ARHGEF7: variants seen among roughly 807,000 people sequenced by gnomAD.
ARHGEF7 encodes the protein Rho guanine nucleotide exchange factor 7, also known as PAK-interacting exchange factor beta.
ARHGEF7 carries 33 observed loss-of-function variants against 109.8 expected under a neutral mutation model. The observed-to-expected ratio is 0.30, with a 90% CI of 0.23 to 0.40. The LOEUF is 0.40. Among genes scored for constraint, ARHGEF7 ranks in the 10% least tolerant of loss-of-function variants. The probability of loss-of-function intolerance (pLI) is 1.00; values close to 1 mark genes in which losing one functional copy is unlikely to be tolerated. For missense variants in ARHGEF7, 938 were observed against 1,098.5 expected, an observed-to-expected ratio of 0.85 and a Z score of 2.07; for synonymous variants, 458 against 424.6, an observed-to-expected ratio of 1.08 and a Z score of -0.97.
At chr13:111,244,438 A>T in intron 8 of ARHGEF7, 144 bp downstream of exon 8, 1 of 598,672 alleles carries the variant, frequency 1.7e-6, no homozygotes, top group Non-Finnish European at 2.9e-6. Flanking sequence ...CAGCTTTTAC[A>T]GTAAAAGCTG....
intron 2 of ARHGEF7, among the ~76,000 whole-genome samples, chr13:111,198,630 A>G (rs1390638441): frequency 2.6e-5 from 4 of 152,266 alleles, no homozygotes; most frequent in South Asian, 2.1e-4. Flanking sequence ...GACTTCAGGA[A>G]CGAAGCTGCA....
intron 4 of ARHGEF7, among the ~76,000 whole-genome samples, chr13:111,215,554 G>A (rs1285658430): frequency 2.6e-5 from 4 of 152,072 alleles, no homozygotes; most frequent in African/African-American, 7.2e-5. Flanking sequence ...ATGACGAGGC[G>A]AATAATATTT....
intron 6 of ARHGEF7, among the ~76,000 whole-genome samples, chr13:111,236,655 A>T (rs971136792): frequency 1.3e-5 from 2 of 152,074 alleles, no homozygotes; most frequent in Non-Finnish European, 2.9e-5. Context: ...CCAAAGATTC[A>T]CCAAAGATTG....
At chr13:111,251,865 A>G (rs191636621) in intron 8 of ARHGEF7, among the ~76,000 whole-genome samples, 1 of 152,230 alleles carries the variant, frequency 6.6e-6, no homozygotes, top group Non-Finnish European at 1.5e-5. Flanking sequence ...ACACTCATGC[A>G]TGCATGCATT....
At chr13:111,236,151 C>T (rs1028960430) in intron 6 of ARHGEF7, among the ~76,000 whole-genome samples, 12 of 151,858 alleles carry the variant, frequency 7.9e-5, no homozygotes, top group African/African-American at 2.9e-4. Context: ...AACTATTTCT[C>T]TCTCCTCTCC....
chr13:111,169,508 G>A (rs969647638), intron 2 of ARHGEF7, among the ~76,000 whole-genome samples: 2 of 152,028 alleles, frequency 1.3e-5, no homozygotes, highest in African/African-American at 4.8e-5. Context: ...TCATCATCAC[G>A]AGAACAGCAC....
At chr13:111,185,961 C>CGT (rs71127998) in intron 2 of ARHGEF7, among the ~76,000 whole-genome samples, 18,595 of 135,624 alleles carry the variant, frequency 0.14, 1,500 homozygotes, top group East Asian at 0.42. Flanking sequence ...TTTGGGAGCT[C>CGT]GTGTGTGTGT....
rs528340891 is a variant in ARHGEF7 at position 111,166,685 on chromosome 13, T to C, written c.252+12694T>C. On this transcript the variant is annotated intron_variant, in intron 2 of 21. Transcript: ENST00000646102. ...TTTGGCCTGAGCAGTTAGAAGAAGT[T>C]GTCTTTGGGATGGGGAAGTCTGGCA... Among the ~76,000 whole-genome samples the C allele has an allele frequency of 8.0e-4, 122 of 152,290 alleles. 1 individual carries two copies. The highest frequency in any genetic ancestry group is 2.8e-3 in the African/African-American group (117 of 41,564).
intron 13 of ARHGEF7, among the ~76,000 whole-genome samples, chr13:111,278,721 T>C (rs930244159): frequency 6.6e-6 from 1 of 152,208 alleles, no homozygotes; most frequent in Non-Finnish European, 1.5e-5. Flanking sequence ...TAAATGACCT[T>C]GATAAACCTA....
At chr13:111,154,790 G>C (rs538381303) in intron 2 of ARHGEF7, among the ~76,000 whole-genome samples, 1 of 152,246 alleles carries the variant, frequency 6.6e-6, no homozygotes, top group South Asian at 2.1e-4. Context: ...TGCTTTTCTT[G>C]GGATCTGCTT....
intron 18 of ARHGEF7, among the ~76,000 whole-genome samples, chr13:111,290,957 G>T (rs746429670): frequency 2.6e-5 from 4 of 152,210 alleles, no homozygotes; most frequent in Non-Finnish European, 4.4e-5. Context: ...GTTTTAGAAG[G>T]ATAATATATT....
intron 8 of ARHGEF7, among the ~76,000 whole-genome samples, chr13:111,244,646 G>C (rs893291763): frequency 6.6e-6 from 1 of 152,228 alleles, no homozygotes; most frequent in Non-Finnish European, 1.5e-5. Flanking sequence ...AGGGGGCCTT[G>C]AAGGCCAGGT....
intron 1 of ARHGEF7, among the ~76,000 whole-genome samples, chr13:111,150,984 T>G (rs941915918): frequency 6.6e-6 from 1 of 152,240 alleles, no homozygotes; most frequent in Non-Finnish European, 1.5e-5. Context: ...CCAGCCATGC[T>G]TTTCTGTTCT....
At chr13:111,289,107 C>T (rs998660186) in intron 18 of ARHGEF7, among the ~76,000 whole-genome samples, 3 of 152,142 alleles carry the variant, frequency 2.0e-5, no homozygotes, top group African/African-American at 7.2e-5. Flanking sequence ...TCTTGGCTCA[C>T]TGCAACCTCT....
At position 111,153,894 on chromosome 13, in the gene ARHGEF7, C is replaced by G. The variant is rs368396968; in HGVS notation, c.166-11C>G. On this transcript the variant is annotated splice_polypyrimidine_tract_variant and intron_variant, in intron 1 of 21. Transcript: ENST00000646102. ...GGCCACGGCGCTCAGCGCTTGTGCTCTGTATTGCAGGTCTACCCCGAGCCC... is the reference window on the plus strand; with the variant it reads ...GGCCACGGCGCTCAGCGCTTGTGCTGTGTATTGCAGGTCTACCCCGAGCCC... 1 of 1,596,736 alleles carries G rather than the reference C, an allele frequency of 6.3e-7. No homozygotes were observed. The highest frequency in any genetic ancestry group is 2.4e-5 in the East Asian group (1 of 42,040).
At chr13:111,269,139 A>G (rs1388758887) in intron 9 of ARHGEF7, among the ~76,000 whole-genome samples, 2 of 152,170 alleles carry the variant, frequency 1.3e-5, no homozygotes, top group Non-Finnish European at 2.9e-5. Context: ...GTTTCCAGTT[A>G]TGTGCTATGC....
chr13:111,274,933 G>A (rs575199995), intron 11 of ARHGEF7, 143 bp downstream of exon 11: 200 of 478,252 alleles, frequency 4.2e-4, no homozygotes, highest in Non-Finnish European at 6.4e-4. Flanking sequence ...TTCTGTGGCT[G>A]GTAAACTCCT....
At chr13:111,233,793 G>C (rs2153528202) in intron 6 of ARHGEF7, among the ~76,000 whole-genome samples, 1 of 152,234 alleles carries the variant, frequency 6.6e-6, no homozygotes, top group African/African-American at 2.4e-5. Flanking sequence ...GTTAAAGACA[G>C]GTGTTTCTGG....
intron 12 of ARHGEF7, 69 bp downstream of exon 12, chr13:111,275,747 A>G (rs1267282635): frequency 1.9e-6 from 3 of 1,589,990 alleles, no homozygotes; most frequent in Admixed American, 3.3e-5. Context: ...AGAAGATTTT[A>G]AAGGCATCTC....
Sources: allele counts gnomAD v4.1 joint callset (sites outside exome capture counted in the v4.1 genomes callset), GRCh38; gene constraint gnomAD v4.1.1; transcripts MANE v1.5; gene names NCBI Gene and HGNC (gene_info 2026-07-23, HGNC 2026-07-21).